The following CIT variants were observed in gnomAD, a reference collection of about 807,000 sequenced individuals.
The protein encoded by CIT is citron Rho-interacting kinase.
CIT carries 79 observed loss-of-function variants against 272.7 expected under a neutral mutation model. The ratio of observed to expected loss-of-function variants is 0.29; its 90% CI spans 0.24 to 0.35. The LOEUF (loss-of-function observed/expected upper bound fraction) is 0.35, where lower values mean the gene tolerates loss of function less well. CIT is among the 10% of genes least tolerant of loss of function. The pLI is 1.00. For synonymous variants in CIT, 948 were observed against 995.6 expected (o/e 0.95, Z 0.90); for missense variants, 1,909 against 2,618.3 (o/e 0.73, Z 5.91).
chr12:119,819,527 T>G (rs1967505170), intron 9 of CIT, among the ~76,000 whole-genome samples: 1 of 152,190 alleles, frequency 6.6e-6, no homozygotes, highest in South Asian at 2.1e-4. Flanking sequence ...TTTAGAAGAT[T>G]ATTACCTGCT....
Position 119,712,401 on chromosome 12 carries a change from G to T in CIT, c.4685-54C>A. On this transcript the variant is annotated intron_variant, in intron 36 of 47. Coordinates refer to ENST00000392521, the MANE Select transcript of CIT (RefSeq NM_001206999.2). This position sits in a 1 kb window ranked among gnomAD's most constrained non-coding sequence, Gnocchi z 5.2. ...GGTGTGGATTTCCCCCGTTCCCACT[G>T]GGAGGGACGGGCCTGAGAGATCAAA... 1 of 1,527,664 alleles carries T rather than the reference G, an allele frequency of 6.5e-7. No homozygotes were observed. The highest frequency in any genetic ancestry group is 1.2e-5 in the South Asian group (1 of 82,026). The allele number at this position is 1,527,664 out of a possible 1,614,324, so 94.6% of individuals were successfully genotyped here.
At position 119,775,843 on chromosome 12, in the gene CIT, T is replaced by C. The variant is rs747841535; in HGVS notation, c.1888-4A>G. ...TGAGCTGCTGCTCAGCATTGATCTA[T>C]AATTAAAATCCCAGGAAATAAAGCA... On this transcript the variant is annotated splice_region_variant and splice_polypyrimidine_tract_variant and intron_variant, in intron 15 of 47. Transcript: ENST00000392521. 2 of 1,611,842 alleles carry C rather than the reference T, an allele frequency of 1.2e-6. No homozygotes were observed. Among genetic ancestry groups the C allele is most frequent in the East Asian group, 2.2e-5 (1 of 44,830 alleles).
rs531733474 is a variant in CIT, at chr12:119,776,662, G to A, written c.1836+10C>T. 1 of 1,611,650 alleles carries A rather than the reference G, an allele frequency of 6.2e-7. No homozygotes were observed. The highest frequency in any genetic ancestry group is 1.7e-5 in the Admixed American group (1 of 59,886). On this transcript the variant is annotated intron_variant, in intron 14 of 47. Coordinates refer to ENST00000392521, the MANE Select transcript of CIT (RefSeq NM_001206999.2). ...CCCAAAAAGCACCCTCCTGGAGGGTGGCTGACTACCTTCAACAGTTTATGC... is the reference window on the plus strand; with the variant it reads ...CCCAAAAAGCACCCTCCTGGAGGGTAGCTGACTACCTTCAACAGTTTATGC...
rs1227504094 is a variant in CIT at position 119,685,836 on chromosome 12, G to T, written c.*2396C>A. The T allele has an allele frequency of 6.6e-6, 1 of 152,428 alleles. No homozygotes were observed. The highest frequency in any genetic ancestry group is 1.5e-5 in the Non-Finnish European group (1 of 68,036). The allele number at this position is 152,428 out of a possible 1,614,324, so 9.4% of individuals were successfully genotyped here. A position where few individuals can be genotyped will look rare whatever the true frequency, so the allele number is the denominator to read the frequency against. On this transcript the variant is annotated 3_prime_UTR_variant, in exon 48 of 48. Coordinates refer to ENST00000392521, the MANE Select transcript of CIT (RefSeq NM_001206999.2). ...ATTTCACTAATTGTTCAACAACAAA[G>T]TTCATTCCTCTCAAGGTGGATCTTG... is the stretch of plus-strand genomic sequence containing the variant.
rs1298165827 is a variant in CIT at position 119,700,739 on chromosome 12, A to G, written c.5623+6T>C. The stretch of plus-strand genomic sequence containing the variant: ...AAGAGAAGCCCCCACACTGAGCCTC[A>G]CGTACCAAAGGCCAAAGGTAAGCGA... On this transcript the variant is annotated splice_donor_region_variant and intron_variant, in intron 44 of 47. Transcript: ENST00000392521. The G allele has an allele frequency of 6.3e-7, 1 of 1,587,898 alleles. No homozygotes were observed. The highest frequency in any genetic ancestry group is 1.3e-5 in the African/African-American group (1 of 74,114).
At chr12:119,721,131 T>C (rs1957798823) in intron 29 of CIT, among the ~76,000 whole-genome samples, 178 bp downstream of exon 29, 1 of 152,150 alleles carries the variant, frequency 6.6e-6, no homozygotes, top group Non-Finnish European at 1.5e-5. Context: ...CACGCCAGGC[T>C]AATTTTTGTA....
chr12:119,873,003 G>T (rs1950729697), intron 2 of CIT, among the ~76,000 whole-genome samples: 1 of 151,894 alleles, frequency 6.6e-6, no homozygotes, highest in Non-Finnish European at 1.5e-5. Flanking sequence ...TCACCATTTT[G>T]CCCAGGCTAG....
chr12:119,734,084 C>A, intron 26 of CIT, 80 bp downstream of exon 26: 1 of 1,436,160 alleles, frequency 7.0e-7, no homozygotes, highest in Non-Finnish European at 9.5e-7. Context: ...GCGGGAATAG[C>A]TGATCACCCT....
chr12:119,708,618 T>C (rs1181253999), intron 39 of CIT, among the ~76,000 whole-genome samples: 2 of 152,108 alleles, frequency 1.3e-5, no homozygotes, highest in African/African-American at 4.8e-5. Flanking sequence ...CCTGAGTAGC[T>C]GGGATTACAG....
intron 9 of CIT, 108 bp downstream of exon 9, chr12:119,822,712 T>C: frequency 8.4e-7 from 1 of 1,185,256 alleles, no homozygotes; most frequent in South Asian, 1.4e-5. Context: ...AATTAAAGCC[T>C]TTATTTATGT....
chr12:119,799,785 G>A (rs1195954006), intron 10 of CIT, among the ~76,000 whole-genome samples: 1 of 151,378 alleles, frequency 6.6e-6, no homozygotes, highest in Non-Finnish European at 1.5e-5. Flanking sequence ...AGCCCAGGAT[G>A]GTTTTTAATG....
intron 3 of CIT, among the ~76,000 whole-genome samples, chr12:119,868,167 G>A (rs1282023742): frequency 1.3e-5 from 2 of 152,022 alleles, no homozygotes; most frequent in Admixed American, 1.3e-4. Context: ...AAACTGCAGT[G>A]AGCCATGATA....
At position 119,756,575 on chromosome 12, in the gene CIT, G is replaced by C. The variant is rs554480550; in HGVS notation, c.2706+796C>G. ...TCCATCTGAGCAATGGTGGAAGGTG[G>C]GGGGAGGGGGTTGCAGGGAGAGTAG... is the stretch of plus-strand genomic sequence containing the variant. On this transcript the variant is annotated intron_variant, in intron 22 of 47. Coordinates refer to ENST00000392521, the MANE Select transcript of CIT (RefSeq NM_001206999.2). Among the ~76,000 whole-genome samples, 81 of 152,326 alleles carry C rather than the reference G, an allele frequency of 5.3e-4. 3 individuals are homozygous for C. In the South Asian group the frequency reaches 0.016, roughly 29 times the overall value.
In CIT at chr12:119,694,907, A is replaced by G. The variant is rs1020714242; in HGVS notation, c.5882+2752T>C. On this transcript the variant is annotated intron_variant, in intron 46 of 47. Coordinates refer to ENST00000392521, the MANE Select transcript of CIT (RefSeq NM_001206999.2). The surrounding 1 kb of genome is among the most constrained non-coding windows in gnomAD (Gnocchi z 4.5). ...GACCTCTCACAACCTGTTTCTCCAT[A>G]AAAGCAACAAGATCACTGGCAGTTG... Among the ~76,000 whole-genome samples the G allele has an allele frequency of 2.0e-5, 3 of 152,168 alleles. No individual in the cohort carries two copies. The highest frequency in any genetic ancestry group is 7.2e-5 in the African/African-American group (3 of 41,434).
intron 32 of CIT, 120 bp from the exon 33 acceptor site, chr12:119,714,454 C>T (rs1215406615): frequency 9.8e-7 from 1 of 1,015,478 alleles, no homozygotes; most frequent in Non-Finnish European, 1.4e-6. Context: ...ATAAGGGACT[C>T]ATATCTAGAA....
chr12:119,720,648 C>T, intron 29 of CIT, 63 bp from the exon 30 acceptor site: 1 of 1,204,552 alleles, frequency 8.3e-7, no homozygotes, highest in Non-Finnish European at 1.2e-6. Flanking sequence ...AAAGTTGGTA[C>T]TTTAAGAAAC....
chr12:119,735,398 C>T (rs1401112225), intron 24 of CIT, 41 bp from the exon 25 acceptor site: 1 of 1,592,634 alleles, frequency 6.3e-7, no homozygotes, highest in Non-Finnish European at 8.6e-7. Context: ...CAAGCACATT[C>T]ATTTCAAATA....
chr12:119,859,493 AT>A (rs1950269309), intron 3 of CIT, among the ~76,000 whole-genome samples: 1 of 151,658 alleles, frequency 6.6e-6, no homozygotes, highest in South Asian at 2.1e-4. Context: ...GGCCAATGTC[AT>A]TTTTTTCATT....
intron 24 of CIT, among the ~76,000 whole-genome samples, chr12:119,736,493 C>T (rs1403168666): frequency 1.3e-5 from 2 of 152,194 alleles, no homozygotes; most frequent in African/African-American, 4.8e-5. Flanking sequence ...GTTAACTGAG[C>T]TGATAACCTT....
Sources: gnomAD v4.1 joint callset for allele counts (sites outside exome capture counted in the v4.1 genomes callset) on GRCh38, gnomAD v4.1.1 for gene constraint, Gnocchi (gnomAD v3.1) non-coding constraint, MANE v1.5 for transcripts, NCBI Gene and HGNC (gene_info 2026-07-23, HGNC 2026-07-21) for gene names.